Variants in CSGALNACT1 observed in about 807,000 individuals in gnomAD.
The protein encoded by CSGALNACT1 is beta4GalNAcT-1.
Under a neutral mutation model 51.0 loss-of-function variants are expected in CSGALNACT1, and 52 were observed. The ratio of observed to expected loss-of-function variants is 1.02; its 90% confidence interval spans 0.82 to 1.29. The LOEUF (loss-of-function observed/expected upper bound fraction) is 1.29. Ranked by LOEUF, CSGALNACT1 falls within the 50% of genes most tolerant of loss-of-function variation. CSGALNACT1 has a pLI of 0.00. For synonymous variants in CSGALNACT1, 341 were observed against 254.4 expected, an observed-to-expected ratio of 1.34 and a Z score of -3.24; for missense variants, 935 against 679.2, an observed-to-expected ratio of 1.38 and a Z score of -4.19.
At chr8:19,603,117 T>C (rs1257690396), upstream of CSGALNACT1, among the ~76,000 whole-genome samples, 1 of 102,080 alleles carries the variant, frequency 9.8e-6, no homozygotes, top group Non-Finnish European at 2.2e-5. Context: ...ATGCAGGAAT[T>C]AAAAAAAAAA....
At chr8:19,612,720 C>T (rs1261600569) in intron 1 of CSGALNACT1, among the ~76,000 whole-genome samples, 2 of 151,916 alleles carry the variant, frequency 1.3e-5, no homozygotes, top group Non-Finnish European at 2.9e-5. Flanking sequence ...TACATGGTGG[C>T]TAAAGTTGCG....
At chr8:19,654,136 A>G in intron 1 of CSGALNACT1, among the ~76,000 whole-genome samples, 1 of 152,180 alleles carries the variant, frequency 6.6e-6, no homozygotes, top group Middle Eastern at 3.2e-3. Context: ...GTGCTTGAGG[A>G]CCTCCACATT....
At chr8:19,676,044 C>G (rs1442901275) in intron 1 of CSGALNACT1, among the ~76,000 whole-genome samples, 4 of 146,012 alleles carry the variant, frequency 2.7e-5, no homozygotes, top group African/African-American at 1.0e-4. Flanking sequence ...GAACTACTTG[C>G]AGCCTGAACC....
rs373097173 is a variant in CSGALNACT1 at position 19,420,571 on chromosome 8, C to T, written c.954-53G>A. 78 of 1,577,266 alleles carry T rather than the reference C, an allele frequency of 4.9e-5. No individual in the cohort carries two copies. The African/African-American group carries it at 8.8e-4, about 18-fold the overall frequency. ...TCACATTCCCACATGTTGGCAGCAT[C>T]CCCTGAGAAAATATGTAATCAGGGC... On this transcript the variant is annotated intron_variant, in intron 6 of 9. Coordinates refer to ENST00000454498, the Ensembl canonical transcript of CSGALNACT1.
intron 3 of CSGALNACT1, among the ~76,000 whole-genome samples, chr8:19,519,000 G>T (rs745942774): frequency 2.0e-5 from 3 of 152,194 alleles, no homozygotes; most frequent in Non-Finnish European, 4.4e-5. Flanking sequence ...CAGGTAGAAG[G>T]GGGGAACTGA....
chr8:19,406,084 C>A lies in CSGALNACT1; in HGVS notation c.1310-15G>T. ...ATCAAACCCACCTGTCGGGACAGAACACACTGTTGAATCACACTGCACTGA... is the reference window on the plus strand; with the variant it reads ...ATCAAACCCACCTGTCGGGACAGAAAACACTGTTGAATCACACTGCACTGA... On this transcript the variant is annotated splice_polypyrimidine_tract_variant and intron_variant, in intron 9 of 9. Transcript: ENST00000454498. 1 of 1,614,020 alleles carries A rather than the reference C, an allele frequency of 6.2e-7. No homozygotes were observed. The highest frequency in any genetic ancestry group is 1.3e-5 in the African/African-American group (1 of 75,028).
intron 4 of CSGALNACT1, among the ~76,000 whole-genome samples, chr8:19,480,474 G>A (rs2071057582): frequency 2.0e-5 from 3 of 152,110 alleles, no homozygotes; most frequent in South Asian, 4.2e-4. Context: ...TGCATAGTAC[G>A]CCATGGTATG....
intron 3 of CSGALNACT1, among the ~76,000 whole-genome samples, chr8:19,545,500 T>C (rs1563986313): frequency 1.3e-5 from 2 of 152,140 alleles, no homozygotes; most frequent in African/African-American, 4.8e-5. Context: ...TTCTGTCAGA[T>C]GAAAAAGCAG....
chr8:19,509,033 T>C (rs1253509516), intron 3 of CSGALNACT1, among the ~76,000 whole-genome samples: 1 of 152,178 alleles, frequency 6.6e-6, no homozygotes, highest in East Asian at 1.9e-4. Context: ...GCATTTTTAA[T>C]AGAAATAACA....
At chr8:19,521,070 C>G (rs2975471) in intron 3 of CSGALNACT1, among the ~76,000 whole-genome samples, 135,079 of 152,164 alleles carry the variant, frequency 0.89, 60,058 homozygotes, top group East Asian at 1. Flanking sequence ...GGGAGGTGTG[C>G]GGGGAGACAT....
At chr8:19,425,750 T>A (rs2058676953) in intron 6 of CSGALNACT1, among the ~76,000 whole-genome samples, 1 of 152,046 alleles carries the variant, frequency 6.6e-6, no homozygotes, top group African/African-American at 2.4e-5. Flanking sequence ...CTTCCCTCAG[T>A]CTCTTTTTGG....
chr8:19,588,383 A>G (rs1403503247), intron 3 of CSGALNACT1, among the ~76,000 whole-genome samples: 1 of 152,154 alleles, frequency 6.6e-6, no homozygotes, highest in Non-Finnish European at 1.5e-5. Context: ...TGCAAATATG[A>G]TTTTTTCTGT....
chr8:19,658,277 C>T (rs138662940), intron 1 of CSGALNACT1, among the ~76,000 whole-genome samples: 1 of 152,210 alleles, frequency 6.6e-6, no homozygotes, highest in Non-Finnish European at 1.5e-5. Flanking sequence ...AATAAGCTAG[C>T]ACCTTGATCT....
At chr8:19,482,852 C>G (rs963091431) in intron 4 of CSGALNACT1, among the ~76,000 whole-genome samples, 1 of 152,124 alleles carries the variant, frequency 6.6e-6, no homozygotes, top group African/African-American at 2.4e-5. Context: ...GGCCCTCTCC[C>G]TTTATGTGTC....
chr8:19,417,203 A>G (rs2057059999), intron 8 of CSGALNACT1, among the ~76,000 whole-genome samples: 1 of 152,210 alleles, frequency 6.6e-6, no homozygotes, highest in Non-Finnish European at 1.5e-5. Flanking sequence ...TTTATGTATA[A>G]AGCACAGATA....
chr8:19,517,626 G>A (rs2079826826), intron 3 of CSGALNACT1, among the ~76,000 whole-genome samples: 1 of 152,092 alleles, frequency 6.6e-6, no homozygotes, highest in African/African-American at 2.4e-5. Context: ...GGCTGGGGAG[G>A]CCTCACAATC....
intron 1 of CSGALNACT1, among the ~76,000 whole-genome samples, chr8:19,654,107 C>T (rs1388402799): frequency 2.8e-4 from 42 of 152,200 alleles, no homozygotes; most frequent in Admixed American, 2.1e-3. Context: ...TGAAAACACA[C>T]GAACTGACTG....
chr8:19,546,738 A>G (rs530934047), intron 3 of CSGALNACT1, among the ~76,000 whole-genome samples: 31 of 152,298 alleles, frequency 2.0e-4, no homozygotes, highest in African/African-American at 7.2e-4. Context: ...ACAAAAACCT[A>G]TATGAAACCC....
intron 6 of CSGALNACT1, among the ~76,000 whole-genome samples, chr8:19,433,712 A>G (rs757369717): frequency 2.0e-5 from 3 of 152,240 alleles, no homozygotes; most frequent in Non-Finnish European, 1.5e-5. Flanking sequence ...AGCTTGTCCA[A>G]TGCATGTGGC....
Sources: allele counts gnomAD v4.1 joint callset (sites outside exome capture counted in the v4.1 genomes callset), GRCh38; gene constraint gnomAD v4.1.1; transcripts MANE v1.5; gene names NCBI Gene and HGNC (gene_info 2026-07-23, HGNC 2026-07-21).